RORC: variants seen among roughly 807,000 people sequenced by gnomAD.
RORC encodes the protein RAR related orphan receptor C, also known as nuclear receptor ROR-gamma.
In RORC, 13 loss-of-function variants were observed where a neutral mutation model predicts 64.5. The observed-to-expected ratio is 0.20, with a 90% CI of 0.13 to 0.32. The LOEUF (loss-of-function observed/expected upper bound fraction) is 0.32, where lower values mean the gene tolerates loss of function less well. Among genes scored for constraint, RORC ranks in the 10% least tolerant of loss-of-function variants. The probability of loss-of-function intolerance (pLI) is 1.00; values close to 1 mark genes in which losing one functional copy is unlikely to be tolerated. For missense variants in RORC, 468 were observed against 669.5 expected (o/e 0.70, Z 3.32); for synonymous variants, 277 against 259.3 (o/e 1.07, Z -0.65).
intron 2 of RORC, among the ~76,000 whole-genome samples, chr1:151,827,808 G>C (rs1652254065): frequency 6.6e-6 from 1 of 152,168 alleles, no homozygotes; most frequent in South Asian, 2.1e-4. Context: ...CACGAGGACT[G>C]GTGGGATGGG....
Position 151,815,061 on chromosome 1 carries a change from G to A in RORC, c.663C>T (p.Gly221=). 6.2e-7 allele frequency: 1 copy of A among 1,614,266 alleles called. No individual in the cohort carries two copies. Among genetic ancestry groups the A allele is most frequent in the Non-Finnish European group, 8.5e-7 (1 of 1,180,046 alleles). ...CACATCGGTCAGGGGTCAGCTGGCTGCCTGTGCTATAGAAGCTCTCTCTGC... is the reference window on the plus strand; with the variant it reads ...CACATCGGTCAGGGGTCAGCTGGCTACCTGTGCTATAGAAGCTCTCTCTGC... ...AEGRESFYST[G]SQLTPDRCGL... The change falls in exon 5 of 11, where the codon GGC becomes GGT. Residue 221 remains glycine, a synonymous_variant. Transcript: ENST00000318247.
chr1:151,831,004 C>T lies in RORC; in HGVS notation c.40+721G>A, dbSNP rs568113430. Reference sequence around the variant, plus strand: ...GGCCCTCAAACTTTCCTCCTCCATGCTCACAGCTGACCAAGCCTGTGGCCC... The same window carrying T: ...GGCCCTCAAACTTTCCTCCTCCATGTTCACAGCTGACCAAGCCTGTGGCCC... On this transcript the variant is annotated intron_variant, in intron 1 of 10. Coordinates refer to ENST00000318247, the MANE Select transcript of RORC (RefSeq NM_005060.4). The T allele has an allele frequency of 2.1e-5, 27 of 1,289,368 alleles. No individual in the cohort carries two copies. The East Asian group carries it at 1.4e-3, about 66-fold the overall frequency. The allele number at this position is 1,289,368 out of a possible 1,614,324, so 79.9% of individuals were successfully genotyped here.
In RORC at chr1:151,830,951, C is replaced by G. The variant is rs778067954; in HGVS notation, c.40+774G>C. On this transcript the variant is annotated intron_variant, in intron 1 of 10. Coordinates refer to ENST00000318247, the MANE Select transcript of RORC (RefSeq NM_005060.4). This position sits in a 1 kb window ranked among gnomAD's most constrained non-coding sequence, Gnocchi z 4.0. ...ACCCAGGCAGCCAGTTCTTCCTCCA[C>G]CAGGTGGCCCTGGAGCTTGGTGGCT... is the stretch of plus-strand genomic sequence containing the variant. The G allele has an allele frequency of 7.8e-7, 1 of 1,289,276 alleles. No homozygotes were observed. The highest frequency in any genetic ancestry group is 1.5e-5 in the African/African-American group (1 of 66,000). 79.9% of individuals were successfully genotyped at this position (1,289,276 alleles called of 1,614,324 possible). A position where few individuals can be genotyped will look rare whatever the true frequency, so the allele number is the denominator to read the frequency against.
chr1:151,827,755 G>A (rs1384459987), intron 2 of RORC, among the ~76,000 whole-genome samples: 1 of 152,208 alleles, frequency 6.6e-6, no homozygotes. Flanking sequence ...TGGGGGAGAG[G>A]CTGTCAGCCT....
At chr1:151,824,298 T>C (rs1198374391) in intron 2 of RORC, among the ~76,000 whole-genome samples, 1 of 152,048 alleles carries the variant, frequency 6.6e-6, no homozygotes, top group Non-Finnish European at 1.5e-5. Flanking sequence ...TGGGGCTGTG[T>C]GTGTGTGGTG....
chr1:151,808,179 G>A (rs1651386376), intron 10 of RORC, among the ~76,000 whole-genome samples: 1 of 152,168 alleles, frequency 6.6e-6, no homozygotes, highest in Non-Finnish European at 1.5e-5. Flanking sequence ...CCTTGGCTGA[G>A]GTCTCTCTTT....
chr1:151,829,300 C>T (rs1652316482), intron 2 of RORC, 129 bp downstream of exon 2: 3 of 807,976 alleles, frequency 3.7e-6, no homozygotes, highest in African/African-American at 1.8e-5. Context: ...CCTTGCTTTC[C>T]TGTTGCCTGC....
intron 2 of RORC, among the ~76,000 whole-genome samples, chr1:151,823,953 A>G (rs574465669): frequency 1.3e-5 from 2 of 152,256 alleles, no homozygotes; most frequent in South Asian, 4.1e-4. Flanking sequence ...GTTTGGCTCT[A>G]TTGGTGTTTC....
At chr1:151,827,658 G>C (rs529013861) in intron 2 of RORC, among the ~76,000 whole-genome samples, 1 of 152,306 alleles carries the variant, frequency 6.6e-6, no homozygotes, top group South Asian at 2.1e-4. Flanking sequence ...GTCTGATCTT[G>C]CTGGGACTCC....
Position 151,816,793 on chromosome 1 carries a change from G to A in RORC, c.169C>T (p.Arg57Trp), listed in dbSNP as rs1270385496. 2.6e-6 allele frequency: 4 copies of A among 1,542,744 alleles called. No individual in the cohort carries two copies. Among genetic ancestry groups the A allele is most frequent in the Non-Finnish European group, 3.5e-6 (4 of 1,138,866 alleles). ...TCEGCKGFFR[R>W]SQRCNAAYSC... ...TAGGCCGCGTTACAGCGCTGGCTCCGGCGGAAGAAGCCCTGGGGAAAGCAG... is the reference window on the plus strand; with the variant it reads ...TAGGCCGCGTTACAGCGCTGGCTCCAGCGGAAGAAGCCCTGGGGAAAGCAG... Residue 57 changes from arginine to tryptophan, a missense_variant, in exon 4 of 11, where the codon CGG becomes TGG. Physicochemically the swap from Arg to Trp is moderately radical, Grantham distance 101. This residue lies in a region of RORC where 241 missense variants were observed against 295.5 expected (regional missense o/e 0.82). Coordinates refer to ENST00000318247, the MANE Select transcript of RORC (RefSeq NM_005060.4).
At chr1:151,808,115 T>C (rs191118695) in intron 10 of RORC, among the ~76,000 whole-genome samples, 1 of 152,360 alleles carries the variant, frequency 6.6e-6, no homozygotes, top group East Asian at 1.9e-4. Flanking sequence ...TAGCACTTAC[T>C]ACATTGCAGG....
At chr1:151,819,425 C>T (rs1042496133) in intron 2 of RORC, among the ~76,000 whole-genome samples, 1 of 152,220 alleles carries the variant, frequency 6.6e-6, no homozygotes, top group African/African-American at 2.4e-5. Flanking sequence ...CCTGGCAAGG[C>T]TGAGAGGAGC....
At chr1:151,824,279 C>A (rs1652106965) in intron 2 of RORC, among the ~76,000 whole-genome samples, 1 of 152,150 alleles carries the variant, frequency 6.6e-6, no homozygotes, top group Non-Finnish European at 1.5e-5. Flanking sequence ...TCCTACTTCC[C>A]CGCCTGGGTG....
At chr1:151,821,305 A>AC (rs149085995) in intron 2 of RORC, among the ~76,000 whole-genome samples, 1,779 of 151,178 alleles carry the variant, frequency 0.012, 38 homozygotes, top group African/African-American at 0.041. Flanking sequence ...CAGAACCACC[A>AC]CCCCCCCACC....
intron 2 of RORC, among the ~76,000 whole-genome samples, chr1:151,820,095 A>G (rs1192601882): frequency 6.6e-6 from 1 of 151,988 alleles, no homozygotes; most frequent in East Asian, 1.9e-4. Context: ...TGCCCAACCC[A>G]TGGCCCCCTC....
intron 2 of RORC, among the ~76,000 whole-genome samples, chr1:151,823,098 G>T (rs1310855860): frequency 6.6e-6 from 1 of 152,190 alleles, no homozygotes; most frequent in Non-Finnish European, 1.5e-5. Context: ...GGAATGGGAA[G>T]ACGGGGAAAG....
At chr1:151,811,226 A>T (rs1031562984) in intron 10 of RORC, 99 bp downstream of exon 10, 10 of 677,820 alleles carry the variant, frequency 1.5e-5, no homozygotes, top group Non-Finnish European at 2.3e-5. Context: ...GTACTCCCGC[A>T]CTCCCTCCTC....
intron 10 of RORC, among the ~76,000 whole-genome samples, chr1:151,809,074 CG>C (rs1456139765): frequency 1.3e-5 from 2 of 152,130 alleles, no homozygotes; most frequent in African/African-American, 4.8e-5. Context: ...ATTTGATTCT[CG>C]GCATCACAGG....
chr1:151,826,065 C>A lies in RORC; in HGVS notation c.70+3364G>T. 2.6e-6 allele frequency: 4 copies of A among 1,532,596 alleles called. No individual in the cohort carries two copies. The African/African-American group carries it at 4.1e-5, about 16-fold the overall frequency. The allele number at this position is 1,532,596 out of a possible 1,614,324, so 94.9% of individuals were successfully genotyped here. A position where few individuals can be genotyped will look rare whatever the true frequency, so the allele number is the denominator to read the frequency against. On this transcript the variant is annotated intron_variant, in intron 2 of 10. Transcript: ENST00000318247. Reference sequence around the variant, plus strand: ...AGCAGCGCCTCAGCCTGAAGCTCTGCACCTAGCTCTCTCCCCCAGTGCTTC... The same window carrying A: ...AGCAGCGCCTCAGCCTGAAGCTCTGAACCTAGCTCTCTCCCCCAGTGCTTC...
Sources: allele counts gnomAD v4.1 joint callset (sites outside exome capture counted in the v4.1 genomes callset), GRCh38; gene constraint gnomAD v4.1.1; regional missense constraint gnomAD v4.1.1; non-coding constraint Gnocchi (gnomAD v3.1); transcripts MANE v1.5; gene names NCBI Gene and HGNC (gene_info 2026-07-23, HGNC 2026-07-21).